The following ANK3 variants were observed in gnomAD, a reference collection of about 807,000 sequenced individuals.
The protein encoded by ANK3 is ankyrin 3.
ANK3 carries 57 observed loss-of-function variants against 370.9 expected under a neutral mutation model. The ratio of observed to expected loss-of-function variants is 0.15; its 90% CI spans 0.12 to 0.19. The LOEUF is 0.19. Ranked by LOEUF, ANK3 falls within the 10% of genes least tolerant of loss-of-function variation. The pLI is 1.00. For synonymous variants in ANK3, 1,929 were observed against 1,946.3 expected, an observed-to-expected ratio of 0.99 and a Z score of 0.23; for missense variants, 4,439 against 5,302.1, an observed-to-expected ratio of 0.84 and a Z score of 5.06.
chr10:60,236,524 C>T (rs1195046846), intron 7 of ANK3, among the ~76,000 whole-genome samples: 2 of 152,032 alleles, frequency 1.3e-5, no homozygotes, highest in Admixed American at 6.5e-5. Flanking sequence ...GACTCTTCCA[C>T]ACCTGGATTT....
In ANK3 at chr10:60,186,750, G is replaced by C; in HGVS notation, c.2050C>G (p.Leu684Val). ...EGHVDMVSLL[L>V]GRNANVNLSN... ...AGGTTCACATTCGCATTTCTACCGA[G>C]GAGCAGCGACACCATGTCCACGTGC... is the stretch of plus-strand genomic sequence containing the variant. The change falls in exon 17 of 44, where the codon CTC (leucine) becomes GTC (valine). Residue 684 changes from leucine (L) to valine (V), a missense_variant. By Grantham distance (32) the Leu-to-Val change is conservative. This residue lies in a region of ANK3 where 192 missense variants were observed against 192.1 expected (regional missense o/e 1.00). Coordinates refer to ENST00000280772, the MANE Select transcript of ANK3 (RefSeq NM_020987.5). The C allele has an allele frequency of 6.2e-7, 1 of 1,614,102 alleles. No individual in the cohort carries two copies. The highest frequency in any genetic ancestry group is 2.2e-5 in the East Asian group (1 of 44,862).
chr10:60,435,392 C>G (rs2064131061), intron 2 of ANK3, among the ~76,000 whole-genome samples: 1 of 152,156 alleles, frequency 6.6e-6, no homozygotes, highest in African/African-American at 2.4e-5. Context: ...TCTCTTACTT[C>G]CAGCACATTT....
chr10:60,674,970 G>A (rs1051753322), intron 1 of ANK3, among the ~76,000 whole-genome samples: 2 of 152,140 alleles, frequency 1.3e-5, no homozygotes, highest in Non-Finnish European at 2.9e-5. Context: ...GGTATCAGGG[G>A]CAAGTTGACC....
chr10:60,522,846 G>C (rs1433609649), intron 2 of ANK3, among the ~76,000 whole-genome samples: 2 of 152,054 alleles, frequency 1.3e-5, no homozygotes, highest in Non-Finnish European at 2.9e-5. Flanking sequence ...AAACCAGTAA[G>C]ACATTACAAC....
At chr10:60,195,422 G>A (rs999332648) in intron 16 of ANK3, among the ~76,000 whole-genome samples, 1 of 150,578 alleles carries the variant, frequency 6.6e-6, no homozygotes, top group Non-Finnish European at 1.5e-5. Flanking sequence ...AGGATCATAA[G>A]GGATACTCAA....
Position 60,226,499 on chromosome 10 carries a change from TA to T in ANK3, c.897+8188del, listed in dbSNP as rs1260025458. Among the ~76,000 whole-genome samples the T allele has an allele frequency of 1.3e-3, 111 of 82,326 alleles. 2 individuals carry two copies. Among genetic ancestry groups the T allele is most frequent in the African/African-American group, 6.0e-3 (85 of 14,054 alleles). The allele number at this position is 82,326 out of a possible 152,430, so 54.0% of individuals were successfully genotyped here. The stretch of plus-strand genomic sequence containing the variant: ...ATATACTATATATATACATATACTA[TA>T]GTATATATACATAGTATATATACTA... On this transcript the variant is annotated intron_variant, in intron 8 of 43. Coordinates refer to ENST00000280772, the MANE Select transcript of ANK3 (RefSeq NM_020987.5).
intron 1 of ANK3, among the ~76,000 whole-genome samples, chr10:60,623,705 C>T (rs567323955): frequency 5.4e-4 from 82 of 152,242 alleles, no homozygotes; most frequent in African/African-American, 1.9e-3. Flanking sequence ...AGATGAAGGA[C>T]CTCAGCAGTA....
At chr10:60,715,139 A>G (rs61854544) in intron 1 of ANK3, among the ~76,000 whole-genome samples, 15 of 73,546 alleles carry the variant, frequency 2.0e-4, no homozygotes, top group Non-Finnish European at 1.8e-4. Context: ...CTGTAAACCT[A>G]AAACTGCTCT....
chr10:60,448,128 A>G (rs570353673), intron 2 of ANK3, among the ~76,000 whole-genome samples: 2 of 152,300 alleles, frequency 1.3e-5, no homozygotes, highest in South Asian at 4.1e-4. Context: ...AGGCAGGGAA[A>G]GTCTGCAGCA....
At chr10:60,408,239 A>G (rs2063492186) in intron 2 of ANK3, among the ~76,000 whole-genome samples, 1 of 152,074 alleles carries the variant, frequency 6.6e-6, no homozygotes, top group African/African-American at 2.4e-5. Flanking sequence ...GTCCCCACCC[A>G]TGTTTAATTG....
At chr10:60,454,061 T>C (rs1425133546) in intron 2 of ANK3, among the ~76,000 whole-genome samples, 2 of 152,244 alleles carry the variant, frequency 1.3e-5, no homozygotes, top group African/African-American at 4.8e-5. Flanking sequence ...AAAGCCATTC[T>C]TGTCTACCAC....
At chr10:60,561,967 G>A (rs1002735685) in intron 2 of ANK3, among the ~76,000 whole-genome samples, 1 of 152,190 alleles carries the variant, frequency 6.6e-6, no homozygotes, top group African/African-American at 2.4e-5. Context: ...TATGCACTGT[G>A]TATGTTTATT....
At chr10:60,127,762 G>C (rs1193286671) in intron 25 of ANK3, among the ~76,000 whole-genome samples, 1 of 147,726 alleles carries the variant, frequency 6.8e-6, no homozygotes, top group African/African-American at 2.5e-5. Flanking sequence ...GCAGTGGTGC[G>C]ATCTCGGCTC....
intron 1 of ANK3, among the ~76,000 whole-genome samples, chr10:60,330,333 G>A (rs1413823306): frequency 6.6e-6 from 1 of 152,184 alleles, no homozygotes; most frequent in Non-Finnish European, 1.5e-5. Flanking sequence ...ACTATCAACA[G>A]ACTGAACAGG....
chr10:60,730,557 T>G (rs1348265692), intron 1 of ANK3, among the ~76,000 whole-genome samples: 1 of 152,160 alleles, frequency 6.6e-6, no homozygotes, highest in East Asian at 1.9e-4. Context: ...CTTTTAAAAT[T>G]GTATCATGGA....
chr10:60,620,007 A>G (rs1250512327), intron 1 of ANK3, among the ~76,000 whole-genome samples: 1 of 152,154 alleles, frequency 6.6e-6, no homozygotes, highest in Non-Finnish European at 1.5e-5. Context: ...ACAAGCCAGG[A>G]TATATGGGCC....
intron 2 of ANK3, among the ~76,000 whole-genome samples, chr10:60,597,243 A>T (rs2078000609): frequency 6.6e-6 from 1 of 152,130 alleles, no homozygotes; most frequent in Non-Finnish European, 1.5e-5. Flanking sequence ...TCTCCCTCCT[A>T]CCACACATGT....
intron 7 of ANK3, among the ~76,000 whole-genome samples, chr10:60,235,035 G>A (rs2097307103): frequency 2.6e-5 from 4 of 152,184 alleles, no homozygotes; most frequent in Admixed American, 2.6e-4. Flanking sequence ...GTGACTGATG[G>A]ATGAAGTGAT....
intron 2 of ANK3, among the ~76,000 whole-genome samples, chr10:60,548,545 C>T (rs555361583): frequency 5.3e-5 from 8 of 152,092 alleles, no homozygotes; most frequent in East Asian, 1.9e-4. Flanking sequence ...CCACTGCACC[C>T]GTCCATATTT....
Sources: allele counts gnomAD v4.1 joint callset (sites outside exome capture counted in the v4.1 genomes callset), GRCh38; gene constraint gnomAD v4.1.1; regional missense constraint gnomAD v4.1.1; transcripts MANE v1.5; gene names NCBI Gene and HGNC (gene_info 2026-07-23, HGNC 2026-07-21).